ASRGL1: variants seen among roughly 807,000 people sequenced by gnomAD.
The protein encoded by ASRGL1 is asparaginase and isoaspartyl peptidase 1.
Under a neutral mutation model 22.4 loss-of-function variants are expected in ASRGL1, and 16 were observed. That is an observed-to-expected ratio of 0.71 (90% CI 0.48 to 1.08). ASRGL1 has a LOEUF of 1.08. Among genes scored for constraint, ASRGL1 ranks in the 50% least tolerant of loss-of-function variants. ASRGL1 has a pLI of 0.00. For synonymous variants in ASRGL1, 165 were observed against 159.3 expected, an observed-to-expected ratio of 1.04 and a Z score of -0.27; for missense variants, 412 against 410.1, an observed-to-expected ratio of 1.00 and a Z score of -0.04.
intron 2 of ASRGL1, among the ~76,000 whole-genome samples, chr11:62,341,511 TTTTTC>T (rs1241836602): frequency 6.6e-6 from 1 of 152,134 alleles, no homozygotes; most frequent in Non-Finnish European, 1.5e-5. Flanking sequence ...AAACAGGATT[TTTTTC>T]ATTTATCCAG....
rs182543636 is a variant in ASRGL1, at chr11:62,365,036, T to C, written c.491+7892T>C. On this transcript the variant is annotated intron_variant, in intron 4 of 6. Coordinates refer to ENST00000415229, the MANE Select transcript of ASRGL1 (RefSeq NM_001083926.2). ...GTGAGCCGAGACCACGCTGTTGCAC[T>C]GCAGCCTGGGTGACAAGCAAAACTC... Among the ~76,000 whole-genome samples, 456 of 147,886 alleles carry C rather than the reference T, an allele frequency of 3.1e-3. 3 individuals carry two copies. The highest frequency in any genetic ancestry group is 0.011 in the African/African-American group (421 of 39,860).
At position 62,357,104 on chromosome 11, in the gene ASRGL1, G is replaced by A; in HGVS notation, c.451G>A (p.Glu151Lys). 6.2e-7 allele frequency: 1 copy of A among 1,614,022 alleles called. No homozygotes were observed. Among genetic ancestry groups the A allele is most frequent in the Non-Finnish European group, 8.5e-7 (1 of 1,179,984 alleles). The change falls in exon 4 of 7, where the codon GAG (glutamate) becomes AAG (lysine). Residue 151 changes from glutamate to lysine, a missense_variant. By Grantham distance (56) the Glu-to-Lys change is moderately conservative. Coordinates refer to ENST00000415229, the MANE Select transcript of ASRGL1 (RefSeq NM_001083926.2). Reference protein sequence around the residue: ...TERNKKRLEKEKHEKGAQKTD... With the variant: ...TERNKKRLEKKKHEKGAQKTD... ...GAGAAACAAAAAGCGCCTGGAAAAA[G>A]AGAAGCATGAAAAAGGTGCTCAGAA...
At chr11:62,341,615 T>C (rs1364382621) in intron 2 of ASRGL1, among the ~76,000 whole-genome samples, 1 of 152,240 alleles carries the variant, frequency 6.6e-6, no homozygotes, top group East Asian at 1.9e-4. Context: ...GTTTTGAAGA[T>C]TCCCAGGTGA....
chr11:62,342,119 G>A (rs773218447), intron 2 of ASRGL1, among the ~76,000 whole-genome samples: 3 of 152,156 alleles, frequency 2.0e-5, no homozygotes, highest in Non-Finnish European at 4.4e-5. Flanking sequence ...TGGCTGAAAC[G>A]GGACCTTACA....
chr11:62,366,711 A>G (rs1180043749), intron 4 of ASRGL1, among the ~76,000 whole-genome samples: 4 of 151,268 alleles, frequency 2.6e-5, no homozygotes, highest in Non-Finnish European at 5.9e-5. Flanking sequence ...GGATTTCTCT[A>G]TGTTGCTCAG....
At chr11:62,369,505 G>A (rs1008661468) in intron 4 of ASRGL1, among the ~76,000 whole-genome samples, 9 of 151,864 alleles carry the variant, frequency 5.9e-5, no homozygotes, top group Admixed American at 5.3e-4. Context: ...CGTTCTTGAC[G>A]GTCGCTGTCT....
chr11:62,362,891 ATTTTTTTTTTTTTTTTTTTTTTTTT>A (rs60507577), intron 4 of ASRGL1, among the ~76,000 whole-genome samples: 84 of 50,366 alleles, frequency 1.7e-3, no homozygotes, highest in South Asian at 6.6e-3. Flanking sequence ...AAAGGATTTA[ATTTTTTTTTTTTTTTTTTTTTTTTT>A]TTTTTTTTTT....
At chr11:62,370,268 TA>T (rs536483951) in intron 4 of ASRGL1, among the ~76,000 whole-genome samples, 57 of 152,288 alleles carry the variant, frequency 3.7e-4, no homozygotes, top group Non-Finnish European at 7.1e-4. Flanking sequence ...TCAATGCAAG[TA>T]AACAATCTGC....
At chr11:62,395,432 ACT>A (rs1392522308), downstream of ASRGL1, among the ~76,000 whole-genome samples, 4 of 152,030 alleles carry the variant, frequency 2.6e-5, no homozygotes, top group Admixed American at 1.3e-4. Flanking sequence ...TGCAGTCAGG[ACT>A]CAGCCCCACT....
rs1235845734 is a variant in ASRGL1 at position 62,378,441 on chromosome 11, T to TGG, written c.492-10692_492-10691insGG. Among the ~76,000 whole-genome samples, 466 of 152,300 alleles carry TGG rather than the reference T, an allele frequency of 3.1e-3. 2 individuals carry two copies. Among genetic ancestry groups the TGG allele is most frequent in the African/African-American group, 0.01 (433 of 41,542 alleles). ...TTGGACTATTAAGCATTCCCTGAGGTAACACTTTCCACTGAAATCTGGTGG... is the reference window on the plus strand; with the variant it reads ...TTGGACTATTAAGCATTCCCTGAGGTGGAACACTTTCCACTGAAATCTGGTGG... On this transcript the variant is annotated intron_variant, in intron 4 of 6. Transcript: ENST00000415229.
intron 2 of ASRGL1, among the ~76,000 whole-genome samples, chr11:62,344,237 A>AT (rs1945953738): frequency 6.6e-6 from 1 of 151,822 alleles, no homozygotes; most frequent in Admixed American, 6.6e-5. Flanking sequence ...AGTCTTGCTG[A>AT]TTTTTTTGTT....
At chr11:62,365,881 T>G (rs1280449929) in intron 4 of ASRGL1, among the ~76,000 whole-genome samples, 1 of 151,970 alleles carries the variant, frequency 6.6e-6, no homozygotes, top group Non-Finnish European at 1.5e-5. Flanking sequence ...TTAGGTACTC[T>G]TACCACAAAA....
At chr11:62,348,717 A>AT (rs1374451422) in intron 2 of ASRGL1, among the ~76,000 whole-genome samples, 1 of 149,360 alleles carries the variant, frequency 6.7e-6, no homozygotes, top group Non-Finnish European at 1.5e-5. Context: ...AAAAAAAAAA[A>AT]GAAATGTAAA....
chr11:62,384,410 C>A (rs891297771), intron 4 of ASRGL1, among the ~76,000 whole-genome samples: 5 of 151,966 alleles, frequency 3.3e-5, no homozygotes, highest in African/African-American at 4.8e-5. Context: ...GAGGCTGAAG[C>A]AGAGAATTCC....
intron 4 of ASRGL1, among the ~76,000 whole-genome samples, chr11:62,365,103 A>G (rs76915158): frequency 2.0e-4 from 31 of 152,060 alleles, no homozygotes; most frequent in African/African-American, 7.2e-4. Context: ...TTGAATACAT[A>G]GAAACAATGA....
chr11:62,352,645 C>T (rs1163027611), intron 2 of ASRGL1, among the ~76,000 whole-genome samples: 2 of 152,148 alleles, frequency 1.3e-5, no homozygotes, highest in Admixed American at 1.3e-4. Flanking sequence ...CTTCCTAATA[C>T]AATCTGAGAG....
intron 4 of ASRGL1, chr11:62,382,539 G>GT (rs1947097503): frequency 1.3e-5 from 2 of 151,884 alleles, no homozygotes; most frequent in Non-Finnish European, 2.9e-5. Context: ...ATACAATCGG[G>GT]TTTTAAACCC....
intron 4 of ASRGL1, among the ~76,000 whole-genome samples, chr11:62,376,669 A>G (rs970045873): frequency 6.6e-6 from 1 of 152,006 alleles, no homozygotes; most frequent in Non-Finnish European, 1.5e-5. Context: ...GTTTTGTTTA[A>G]CTAATTGAGT....
intron 2 of ASRGL1, among the ~76,000 whole-genome samples, chr11:62,348,161 T>A (rs1215160020): frequency 6.6e-6 from 1 of 152,206 alleles, no homozygotes; most frequent in South Asian, 2.1e-4. Context: ...CGTAGAGGAC[T>A]TGAGCATCCA....
Sources: allele counts gnomAD v4.1 joint callset (sites outside exome capture counted in the v4.1 genomes callset), GRCh38; gene constraint gnomAD v4.1.1; transcripts MANE v1.5; gene names NCBI Gene and HGNC (gene_info 2026-07-23, HGNC 2026-07-21).